Variants in TRMT9B observed in about 807,000 individuals in gnomAD.
TRMT9B encodes tRNA methyltransferase 9B (putative), also known as probable tRNA methyltransferase 9B.
In TRMT9B, 16 loss-of-function variants were observed where a neutral mutation model predicts 11.5. The observed-to-expected ratio is 1.39, with a 90% CI of 0.94 to 2.11. The LOEUF (loss-of-function observed/expected upper bound fraction) is 2.11, where lower values mean the gene tolerates loss of function less well. TRMT9B is among the 30% of genes most tolerant of loss of function. TRMT9B has a pLI of 0.00. For synonymous variants in TRMT9B, 274 were observed against 192.4 expected, an observed-to-expected ratio of 1.42 and a Z score of -3.51; for missense variants, 941 against 553.8, an observed-to-expected ratio of 1.70 and a Z score of -7.02.
chr8:12,976,880 T>C (rs1804542716), intron 1 of TRMT9B, among the ~76,000 whole-genome samples: 1 of 152,076 alleles, frequency 6.6e-6, no homozygotes, highest in Non-Finnish European at 1.5e-5. Context: ...GACAAAGCCA[T>C]TGTTCAACCC....
chr8:12,947,947 C>T (rs187060128), intron 1 of TRMT9B, among the ~76,000 whole-genome samples: 27 of 152,256 alleles, frequency 1.8e-4, no homozygotes, highest in East Asian at 7.7e-4. Flanking sequence ...GAATCATGGC[C>T]GGCCATCTGT....
intron 1 of TRMT9B, among the ~76,000 whole-genome samples, chr8:12,976,864 G>A (rs910844464): frequency 6.6e-6 from 1 of 152,114 alleles, no homozygotes; most frequent in African/African-American, 2.4e-5. Context: ...TGACCTGCAG[G>A]CAAAGGACAA....
intron 2 of TRMT9B, among the ~76,000 whole-genome samples, chr8:12,992,899 A>G (rs1009258162): frequency 2.0e-5 from 3 of 152,086 alleles, no homozygotes; most frequent in African/African-American, 7.2e-5. Flanking sequence ...TAAGTCCTGG[A>G]ATGGATGATT....
At chr8:13,000,011 T>C (rs1809118562) in intron 2 of TRMT9B, among the ~76,000 whole-genome samples, 1 of 152,208 alleles carries the variant, frequency 6.6e-6, no homozygotes, top group Admixed American at 6.5e-5. Flanking sequence ...TTTTTCATGA[T>C]CTAGATATTC....
At chr8:13,019,364 C>T (rs777119642) in intron 4 of TRMT9B, among the ~76,000 whole-genome samples, 11 of 152,240 alleles carry the variant, frequency 7.2e-5, no homozygotes, top group Middle Eastern at 3.4e-3. Flanking sequence ...TGATCATGGC[C>T]CACTGCAAAC....
chr8:13,000,546 A>C (rs948143997), intron 2 of TRMT9B, among the ~76,000 whole-genome samples: 2 of 152,186 alleles, frequency 1.3e-5, no homozygotes, highest in South Asian at 2.1e-4. Flanking sequence ...CTGTGCCTAC[A>C]TCAACTTCCC....
rs1443343828 is a variant in TRMT9B at position 13,026,266 on chromosome 8, C to G, written c.*4222C>G. The stretch of plus-strand genomic sequence containing the variant: ...ACTTTTCTAAATATGCAACATTCAA[C>G]TATCGCAAGGACAAAAAACCAAACA... On this transcript the variant is annotated 3_prime_UTR_variant, in exon 5 of 5. Coordinates refer to ENST00000524591, the MANE Select transcript of TRMT9B (RefSeq NM_020844.3). The G allele has an allele frequency of 1.2e-5, 2 of 167,256 alleles. No homozygotes were observed. The highest frequency in any genetic ancestry group is 1.9e-4 in the East Asian group (1 of 5,188). 10.4% of individuals were successfully genotyped at this position (167,256 alleles called of 1,614,324 possible). A position where few individuals can be genotyped will look rare whatever the true frequency, so the allele number is the denominator to read the frequency against.
At chr8:12,948,273 A>G (rs1479933267) in intron 1 of TRMT9B, among the ~76,000 whole-genome samples, 1 of 151,964 alleles carries the variant, frequency 6.6e-6, no homozygotes, top group African/African-American at 2.4e-5. Context: ...AATTTATTGA[A>G]TCCTGTAGTA....
rs1815034224 is a variant in TRMT9B, at chr8:13,028,849, T to C, written c.*6805T>C. 1 of 166,984 alleles carries C rather than the reference T, an allele frequency of 6.0e-6. No individual in the cohort carries two copies. The highest frequency in any genetic ancestry group is 1.5e-5 in the Non-Finnish European group (1 of 68,122). 10.3% of individuals were successfully genotyped at this position (166,984 alleles called of 1,614,324 possible). On this transcript the variant is annotated 3_prime_UTR_variant, in exon 5 of 5. Coordinates refer to ENST00000524591, the MANE Select transcript of TRMT9B (RefSeq NM_020844.3). ...AATCATACCACTTCTAACTAGATTTTCTATTAATGTACAAGGAGGGACTCC... is the reference window on the plus strand; with the variant it reads ...AATCATACCACTTCTAACTAGATTTCCTATTAATGTACAAGGAGGGACTCC...
At chr8:12,999,163 G>A (rs926047886) in intron 2 of TRMT9B, among the ~76,000 whole-genome samples, 2 of 152,022 alleles carry the variant, frequency 1.3e-5, no homozygotes, top group African/African-American at 2.4e-5. Flanking sequence ...GCCAGGCATG[G>A]TGGTACGTGC....
rs553907919 is a variant in TRMT9B, at chr8:12,992,108, G to A, written c.-2+1077G>A. 5.1e-4 allele frequency among the ~76,000 whole-genome samples: 77 copies of A among 152,334 alleles called. No individual in the cohort carries two copies. In the South Asian group the frequency reaches 0.016, roughly 31 times the overall value. ...CAGAGTAAAGTATTGTTGTTTTGCA[G>A]AGGGAGCTAAGAAACAGCTCCTTGA... On this transcript the variant is annotated intron_variant, in intron 2 of 4. Coordinates refer to ENST00000524591, the MANE Select transcript of TRMT9B (RefSeq NM_020844.3).
intron 1 of TRMT9B, among the ~76,000 whole-genome samples, chr8:12,950,188 G>A (rs1259295200): frequency 2.0e-5 from 3 of 152,024 alleles, no homozygotes; most frequent in Non-Finnish European, 4.4e-5. Flanking sequence ...TCAGACATTG[G>A]ACACCACTTC....
intron 1 of TRMT9B, among the ~76,000 whole-genome samples, chr8:12,978,449 A>C (rs542159908): frequency 2.0e-5 from 3 of 152,124 alleles, no homozygotes; most frequent in Non-Finnish European, 4.4e-5. Context: ...ACATTTGTTT[A>C]CCCCTGCATC....
intron 2 of TRMT9B, among the ~76,000 whole-genome samples, chr8:12,992,741 G>A (rs1807589730): frequency 6.6e-6 from 1 of 151,960 alleles, no homozygotes; most frequent in Non-Finnish European, 1.5e-5. Flanking sequence ...TGCACCTGTG[G>A]TCTTGTGGTC....
chr8:12,990,465 A>T (rs1807143707), intron 1 of TRMT9B, among the ~76,000 whole-genome samples: 1 of 152,230 alleles, frequency 6.6e-6, no homozygotes, highest in South Asian at 2.1e-4. Context: ...AATATTGAGC[A>T]GTCCAATTGT....
rs772527037 is a variant in TRMT9B, at chr8:13,027,622, A to G, written c.*5578A>G. The G allele has an allele frequency of 1.0e-4, 17 of 167,094 alleles. No homozygotes were observed. Among genetic ancestry groups the G allele is most frequent in the Non-Finnish European group, 2.3e-4 (16 of 68,130 alleles). The allele number at this position is 167,094 out of a possible 1,614,324, so 10.4% of individuals were successfully genotyped here. On this transcript the variant is annotated 3_prime_UTR_variant, in exon 5 of 5. Coordinates refer to ENST00000524591, the MANE Select transcript of TRMT9B (RefSeq NM_020844.3). ...TATTTTAGACAAAGCTTTCATAAGA[A>G]ATTACATAATGACAAGTAATTCCCA... is the stretch of plus-strand genomic sequence containing the variant.
chr8:12,970,836 G>C (rs1358132750), intron 1 of TRMT9B, among the ~76,000 whole-genome samples: 1 of 152,152 alleles, frequency 6.6e-6, no homozygotes, highest in Non-Finnish European at 1.5e-5. Flanking sequence ...TTTGGGAACT[G>C]TGATAAGAAG....
chr8:13,003,681 TA>T (rs1242053845), intron 2 of TRMT9B, among the ~76,000 whole-genome samples: 1 of 151,316 alleles, frequency 6.6e-6, no homozygotes, highest in African/African-American at 2.4e-5. Context: ...GGACAAGCTA[TA>T]AAATGCCTCT....
Position 13,029,363 on chromosome 8 carries a change from T to A in TRMT9B, c.*7319T>A, listed in dbSNP as rs1190768878. ...CAATAGTTTTAAAAGCACAAAGTGA[T>A]GTAAAATATTTTGACTTTTATAATA... On this transcript the variant is annotated 3_prime_UTR_variant, in exon 5 of 5. Coordinates refer to ENST00000524591, the MANE Select transcript of TRMT9B (RefSeq NM_020844.3). 1 of 167,104 alleles carries A rather than the reference T, an allele frequency of 6.0e-6. No individual in the cohort carries two copies. The highest frequency in any genetic ancestry group is 2.4e-5 in the African/African-American group (1 of 41,480). The allele number at this position is 167,104 out of a possible 1,614,324, so 10.4% of individuals were successfully genotyped here. A position where few individuals can be genotyped will look rare whatever the true frequency, so the allele number is the denominator to read the frequency against.
Sources: allele counts gnomAD v4.1 joint callset (sites outside exome capture counted in the v4.1 genomes callset), GRCh38; gene constraint gnomAD v4.1.1; transcripts MANE v1.5; gene names NCBI Gene and HGNC (gene_info 2026-07-23, HGNC 2026-07-21).